NKD1: variants seen among roughly 807,000 people sequenced by gnomAD.
NKD1 encodes the protein protein naked cuticle homolog 1.
Under a neutral mutation model 56.0 loss-of-function variants are expected in NKD1, and 21 were observed. The observed-to-expected ratio is 0.38, with a 90% CI of 0.27 to 0.54. The LOEUF is 0.54. Among genes scored for constraint, NKD1 ranks in the 20% least tolerant of loss-of-function variants. NKD1 has a pLI of 0.82. For missense variants in NKD1, 578 were observed against 642.7 expected (o/e 0.90, Z 1.09); for synonymous variants, 263 against 265.7 (o/e 0.99, Z 0.10).
At position 50,636,255 on chromosome 16, in the gene NKD1, C is replaced by G. The variant is rs1415780902; in HGVS notation, c.*2474C>G. On this transcript the variant is annotated 3_prime_UTR_variant, in exon 10 of 10. Transcript: ENST00000268459. ...CATCCCAGGCCCCGAATTGCTGCAACCCTGGAGGCCAGCCCGGAGTTGAGA... is the reference window on the plus strand; with the variant it reads ...CATCCCAGGCCCCGAATTGCTGCAAGCCTGGAGGCCAGCCCGGAGTTGAGA... 1 of 152,150 alleles carries G rather than the reference C, an allele frequency of 6.6e-6. No homozygotes were observed. The highest frequency in any genetic ancestry group is 2.4e-5 in the African/African-American group (1 of 41,422). The allele number at this position is 152,150 out of a possible 1,614,324, so 9.4% of individuals were successfully genotyped here. A position where few individuals can be genotyped will look rare whatever the true frequency, so the allele number is the denominator to read the frequency against.
At chr16:50,557,625 T>G (rs1960532391) in intron 3 of NKD1, 2 of 152,228 alleles carry the variant, frequency 1.3e-5, no homozygotes, top group South Asian at 4.1e-4. Context: ...GCTAATGTGG[T>G]GTGTGATTTG....
intron 3 of NKD1, among the ~76,000 whole-genome samples, chr16:50,588,701 C>G (rs1961283955): frequency 7.0e-6 from 1 of 142,384 alleles, no homozygotes; most frequent in South Asian, 2.3e-4. Context: ...CTCCTGGGTT[C>G]AAGAGAGTTC....
At position 50,586,137 on chromosome 16, in the gene NKD1, C is replaced by T. The variant is rs533171073; in HGVS notation, c.193-22157C>T. On this transcript the variant is annotated intron_variant, in intron 3 of 9. Coordinates refer to ENST00000268459, the MANE Select transcript of NKD1 (RefSeq NM_033119.5). The stretch of plus-strand genomic sequence containing the variant: ...CTCTGACCCTCAGCCCTGCTGCCTC[C>T]ATGCCAGGTCCATTTCCCTGGCCTT... Among the ~76,000 whole-genome samples the T allele has an allele frequency of 1.2e-3, 189 of 152,302 alleles. 7 individuals are homozygous for T. In the South Asian group the frequency reaches 0.038, roughly 30 times the overall value.
chr16:50,616,389 G>A (rs938768649), intron 4 of NKD1, among the ~76,000 whole-genome samples: 1 of 152,174 alleles, frequency 6.6e-6, no homozygotes, highest in Non-Finnish European at 1.5e-5. Flanking sequence ...ATTGTGTTAA[G>A]ATAAGCTGGC....
At chr16:50,586,296 G>T (rs551339382) in intron 3 of NKD1, among the ~76,000 whole-genome samples, 2 of 151,316 alleles carry the variant, frequency 1.3e-5, no homozygotes, top group South Asian at 4.2e-4. Flanking sequence ...TGGCCCACTG[G>T]TGAGTGGATG....
Position 50,639,512 on chromosome 16 carries a change from G to A in NKD1, c.*5731G>A, listed in dbSNP as rs548377672. 2 of 152,378 alleles carry A rather than the reference G, an allele frequency of 1.3e-5. No individual in the cohort carries two copies. The highest frequency in any genetic ancestry group is 2.1e-4 in the South Asian group (1 of 4,826). 9.4% of individuals were successfully genotyped at this position (152,378 alleles called of 1,614,324 possible). A position where few individuals can be genotyped will look rare whatever the true frequency, so the allele number is the denominator to read the frequency against. On this transcript the variant is annotated 3_prime_UTR_variant, in exon 10 of 10. Transcript: ENST00000268459. ...TGCCTTGAGGAGGATGTGCATTAAC[G>A]TGGTAGGGGAGACAGAGACAGCTCC...
At chr16:50,619,120 T>A (rs1334625745) in intron 4 of NKD1, among the ~76,000 whole-genome samples, 7 of 152,234 alleles carry the variant, frequency 4.6e-5, no homozygotes, top group Non-Finnish European at 1.0e-4. Flanking sequence ...AGCTTGCATC[T>A]CCAGCCAGGA....
At chr16:50,559,130 GGTAGA>G (rs1442654638) in intron 3 of NKD1, among the ~76,000 whole-genome samples, 5 of 152,200 alleles carry the variant, frequency 3.3e-5, no homozygotes, top group Non-Finnish European at 5.9e-5. Flanking sequence ...CTGTGGAATG[GGTAGA>G]GTAATGGTTC....
In NKD1 at chr16:50,632,185, G is replaced by A. The variant is rs1212072075; in HGVS notation, c.696-96G>A. 8 of 1,158,646 alleles carry A rather than the reference G, an allele frequency of 6.9e-6. No individual in the cohort carries two copies. The Admixed American group carries it at 1.7e-4, about 24-fold the overall frequency. The allele number at this position is 1,158,646 out of a possible 1,614,324, so 71.8% of individuals were successfully genotyped here. The stretch of plus-strand genomic sequence containing the variant: ...AAGGCCAAGAAGGAAATGAATGAAG[G>A]GTCCAGAGTTCATTCTGGGGGCTTC... On this transcript the variant is annotated intron_variant, in intron 8 of 9. Transcript: ENST00000268459. This position sits in a 1 kb window ranked among gnomAD's most constrained non-coding sequence, Gnocchi z 4.1.
intron 3 of NKD1, among the ~76,000 whole-genome samples, chr16:50,560,823 C>CACCTATCT (rs1555487411): frequency 6.7e-6 from 1 of 148,546 alleles, no homozygotes; most frequent in Admixed American, 6.7e-5. Context: ...TACCCAAACC[C>CACCTATCT]ATCTATCTAT....
chr16:50,641,363 C>G lies in NKD1; in HGVS notation c.*7582C>G, dbSNP rs974793548. The stretch of plus-strand genomic sequence containing the variant: ...TTCCTGTCCCCTGCCCACTCTAAGC[C>G]TCCAGAAGTCAATCCTCTGCTCACC... On this transcript the variant is annotated 3_prime_UTR_variant, in exon 10 of 10. Transcript: ENST00000268459. 3.3e-5 allele frequency: 5 copies of G among 152,296 alleles called. No homozygotes were observed. Among genetic ancestry groups the G allele is most frequent in the Admixed American group, 2.0e-4 (3 of 15,286 alleles). 9.4% of individuals were successfully genotyped at this position (152,296 alleles called of 1,614,324 possible).
At chr16:50,570,947 GCTT>G in intron 3 of NKD1, 1 of 985,460 alleles carries the variant, frequency 1.0e-6, no homozygotes, top group Non-Finnish European at 1.2e-6. Flanking sequence ...GCACAGGGAG[GCTT>G]CTGCACTGAG....
Position 50,569,704 on chromosome 16 carries a change from C to G in NKD1, c.192+20149C>G, listed in dbSNP as rs1163966893. Among the ~76,000 whole-genome samples the G allele has an allele frequency of 2.6e-5, 4 of 152,326 alleles. No individual in the cohort carries two copies. The South Asian group carries it at 8.3e-4, about 32-fold the overall frequency. On this transcript the variant is annotated intron_variant, in intron 3 of 9. Transcript: ENST00000268459. The stretch of plus-strand genomic sequence containing the variant: ...TGCAGTAGGGTTGGTAATTATTTCA[C>G]TCCTCTCCTCCCACTTAGATTGTAG...
At chr16:50,599,439 CCTGA>C (rs1340177329) in intron 3 of NKD1, among the ~76,000 whole-genome samples, 3 of 152,296 alleles carry the variant, frequency 2.0e-5, no homozygotes, top group South Asian at 4.1e-4. Context: ...CAAACCCAGA[CCTGA>C]CTGACAACTC....
At chr16:50,566,362 A>T (rs1257197291) in intron 3 of NKD1, 1 of 175,016 alleles carries the variant, frequency 5.7e-6, no homozygotes, top group African/African-American at 2.4e-5. Context: ...GGTAATGGCA[A>T]CTTGGCTCCC....
intron 4 of NKD1, among the ~76,000 whole-genome samples, chr16:50,610,929 G>A (rs1961832061): frequency 6.6e-6 from 1 of 152,180 alleles, no homozygotes; most frequent in Admixed American, 6.5e-5. Flanking sequence ...GGGCTGGTGA[G>A]GTGAGGCTTT....
intron 3 of NKD1, among the ~76,000 whole-genome samples, chr16:50,596,471 C>A (rs895547299): frequency 1.3e-5 from 2 of 152,210 alleles, no homozygotes; most frequent in Non-Finnish European, 1.5e-5. Flanking sequence ...GAATCCAGCA[C>A]CGGGCACCAT....
rs981622233 is a variant in NKD1, at chr16:50,598,260, T to TGCGC, written c.193-10033_193-10032insCGCG. ...GTGTGTGTGTGTGTGTGTGTGTGTG[T>TGCGC]GTGCGCGCACACCTGTGCTCATGGA... On this transcript the variant is annotated intron_variant, in intron 3 of 9. Coordinates refer to ENST00000268459, the MANE Select transcript of NKD1 (RefSeq NM_033119.5). The surrounding 1 kb of genome is among the most constrained non-coding windows in gnomAD (Gnocchi z 4.2). Among the ~76,000 whole-genome samples the TGCGC allele has an allele frequency of 2.9e-5, 4 of 137,998 alleles. No individual in the cohort carries two copies. The highest frequency in any genetic ancestry group is 1.2e-4 in the African/African-American group (4 of 32,978). The allele number at this position is 137,998 out of a possible 152,430, so 90.5% of individuals were successfully genotyped here.
chr16:50,568,852 A>G (rs187780880), intron 3 of NKD1, among the ~76,000 whole-genome samples: 13 of 152,236 alleles, frequency 8.5e-5, no homozygotes, highest in Admixed American at 2.0e-4. Context: ...CTCTCCCCCA[A>G]TGTGGAAGAA....
Sources: allele counts gnomAD v4.1 joint callset (sites outside exome capture counted in the v4.1 genomes callset), GRCh38; gene constraint gnomAD v4.1.1; non-coding constraint Gnocchi (gnomAD v3.1); transcripts MANE v1.5; gene names NCBI Gene and HGNC (gene_info 2026-07-23, HGNC 2026-07-21).